DOK6: variants seen among roughly 807,000 people sequenced by gnomAD.
The protein encoded by DOK6 is downstream of tyrosine kinase 6.
DOK6 carries 22 observed loss-of-function variants against 44.0 expected under a neutral mutation model. The observed-to-expected ratio is 0.50, with a 90% CI of 0.36 to 0.71. The LOEUF (loss-of-function observed/expected upper bound fraction) is 0.71, where lower values mean the gene tolerates loss of function less well. Among genes scored for constraint, DOK6 ranks in the 30% least tolerant of loss-of-function variants. The probability of loss-of-function intolerance (pLI) is 0.00; values close to 1 mark genes in which losing one functional copy is unlikely to be tolerated. For missense variants in DOK6, 340 were observed against 416.4 expected (o/e 0.82, Z 1.60); for synonymous variants, 166 against 145.5 (o/e 1.14, Z -1.01).
At chr18:69,606,001 G>A (rs1036109161) in intron 3 of DOK6, among the ~76,000 whole-genome samples, 4 of 152,168 alleles carry the variant, frequency 2.6e-5, no homozygotes, top group African/African-American at 9.7e-5. Flanking sequence ...GCCAGGTGCG[G>A]TGGCTCACAC....
intron 3 of DOK6, among the ~76,000 whole-genome samples, chr18:69,614,948 A>G (rs1984250432): frequency 6.6e-6 from 1 of 152,078 alleles, no homozygotes; most frequent in Non-Finnish European, 1.5e-5. Flanking sequence ...TTTCTGCTTA[A>G]GAATAGAAGA....
chr18:69,411,761 T>A (rs1027797352), intron 1 of DOK6, among the ~76,000 whole-genome samples: 1 of 152,130 alleles, frequency 6.6e-6, no homozygotes, highest in Non-Finnish European at 1.5e-5. Flanking sequence ...TCTCCACCAC[T>A]ACCTCCTCAA....
At chr18:69,671,745 C>T (rs1033198378) in intron 3 of DOK6, among the ~76,000 whole-genome samples, 5 of 152,186 alleles carry the variant, frequency 3.3e-5, no homozygotes, top group Non-Finnish European at 7.3e-5. Flanking sequence ...CAAGAGACTA[C>T]TCACCAAATT....
Position 69,601,564 on chromosome 18 carries a change from C to T in DOK6, c.289+2066C>T, listed in dbSNP as rs539374422. Among the ~76,000 whole-genome samples, 12 of 152,246 alleles carry T rather than the reference C, an allele frequency of 7.9e-5. No homozygotes were observed. In the East Asian group the frequency reaches 1.7e-3, roughly 22 times the overall value. On this transcript the variant is annotated intron_variant, in intron 3 of 7. Transcript: ENST00000382713. ...GACGGGAAGTGTGATAACAGAGCAG[C>T]GCCCAACTCCCAACCAGGGGCTGGA... is the stretch of plus-strand genomic sequence containing the variant.
At chr18:69,609,486 G>T (rs4555246) in intron 3 of DOK6, among the ~76,000 whole-genome samples, 127,636 of 148,206 alleles carry the variant, frequency 0.86, 55,352 homozygotes, top group East Asian at 0.95. Flanking sequence ...GCTATTACAA[G>T]AAATAAATAA....
chr18:69,679,885 C>T lies in DOK6; in HGVS notation c.409+2032C>T, dbSNP rs144580548. Among the ~76,000 whole-genome samples, 561 of 151,910 alleles carry T rather than the reference C, an allele frequency of 3.7e-3. 3 individuals are homozygous for T. The highest frequency in any genetic ancestry group is 0.013 in the African/African-American group (537 of 41,430). ...AATATAGGTTTATTTTAGAATAGGA[C>T]AAACAGAATAAAGTGCCAAAGCTAC... On this transcript the variant is annotated intron_variant, in intron 4 of 7. Transcript: ENST00000382713.
chr18:69,768,610 C>T (rs1252061874), intron 7 of DOK6, among the ~76,000 whole-genome samples: 1 of 148,462 alleles, frequency 6.7e-6, no homozygotes, highest in Non-Finnish European at 1.5e-5. Flanking sequence ...CTTTATTTTC[C>T]TCTGCGGGCC....
At chr18:69,663,102 G>C (rs1239706835) in intron 3 of DOK6, 2 of 152,232 alleles carry the variant, frequency 1.3e-5, no homozygotes, top group African/African-American at 2.4e-5. Flanking sequence ...GCTGAACAAT[G>C]TGTCAACCTT....
chr18:69,683,685 T>C (rs1449797342), intron 4 of DOK6, among the ~76,000 whole-genome samples: 1 of 152,232 alleles, frequency 6.6e-6, no homozygotes, highest in Non-Finnish European at 1.5e-5. Flanking sequence ...GCCCTGCCAG[T>C]ACTCTGATTA....
intron 1 of DOK6, among the ~76,000 whole-genome samples, chr18:69,562,612 A>G (rs533081493): frequency 6.6e-6 from 1 of 152,218 alleles, no homozygotes; most frequent in Non-Finnish European, 1.5e-5. Context: ...GAAAGCTGAA[A>G]CTGGATCCCT....
At chr18:69,456,082 C>G (rs958581951) in intron 1 of DOK6, among the ~76,000 whole-genome samples, 11 of 152,034 alleles carry the variant, frequency 7.2e-5, no homozygotes, top group African/African-American at 2.4e-4. Context: ...TAGCATTCAC[C>G]CATTGTAGTC....
chr18:69,501,262 T>C (rs548755760), intron 1 of DOK6, among the ~76,000 whole-genome samples: 1 of 152,282 alleles, frequency 6.6e-6, no homozygotes, highest in Admixed American at 6.5e-5. Context: ...GAGTTCGTGC[T>C]AACTTGACTC....
intron 1 of DOK6, among the ~76,000 whole-genome samples, chr18:69,470,508 G>C (rs993825325): frequency 6.6e-6 from 1 of 152,112 alleles, no homozygotes; most frequent in African/African-American, 2.4e-5. Context: ...AGCTGAGGAT[G>C]CCCTGGCCCT....
At chr18:69,790,315 A>G (rs1176343055) in intron 7 of DOK6, among the ~76,000 whole-genome samples, 2 of 152,138 alleles carry the variant, frequency 1.3e-5, no homozygotes, top group Admixed American at 6.6e-5. Flanking sequence ...TACCTAATGC[A>G]TGCAGGGCTT....
intron 5 of DOK6, among the ~76,000 whole-genome samples, chr18:69,709,558 A>T (rs1186714073): frequency 6.6e-6 from 1 of 152,138 alleles, no homozygotes; most frequent in African/African-American, 2.4e-5. Context: ...GGTGTTAAAT[A>T]AATTCTAGAC....
At chr18:69,468,455 A>G (rs1979990708) in intron 1 of DOK6, among the ~76,000 whole-genome samples, 1 of 152,230 alleles carries the variant, frequency 6.6e-6, no homozygotes, top group South Asian at 2.1e-4. Flanking sequence ...GCTCAATGCA[A>G]TAACACACAC....
chr18:69,592,211 G>C (rs975649318), intron 2 of DOK6, among the ~76,000 whole-genome samples: 9 of 150,730 alleles, frequency 6.0e-5, no homozygotes, highest in African/African-American at 2.2e-4. Context: ...AGGTTTGGGA[G>C]TTGGTGGCTT....
At chr18:69,594,664 T>G (rs938876760) in intron 2 of DOK6, among the ~76,000 whole-genome samples, 2 of 151,868 alleles carry the variant, frequency 1.3e-5, no homozygotes, top group African/African-American at 4.8e-5. Flanking sequence ...ATTGTCCCTC[T>G]TTGCAGATGA....
At chr18:69,760,086 G>C (rs1395755824) in intron 7 of DOK6, among the ~76,000 whole-genome samples, 1 of 152,084 alleles carries the variant, frequency 6.6e-6, no homozygotes, top group South Asian at 2.1e-4. Flanking sequence ...ATAATATAGA[G>C]ATGAATAAAT....
Sources: allele counts gnomAD v4.1 joint callset (sites outside exome capture counted in the v4.1 genomes callset), GRCh38; gene constraint gnomAD v4.1.1; transcripts MANE v1.5; gene names NCBI Gene and HGNC (gene_info 2026-07-23, HGNC 2026-07-21).